CHD5: variants seen among roughly 807,000 people sequenced by gnomAD.
CHD5 encodes ATP-dependent chromatin remodeler CHD5.
CHD5 carries 69 observed loss-of-function variants against 230.3 expected under a neutral mutation model. The ratio of observed to expected loss-of-function variants is 0.30; its 90% confidence interval spans 0.25 to 0.37. The LOEUF is 0.37. CHD5 is among the 10% of genes least tolerant of loss of function. The probability of loss-of-function intolerance (pLI) is 1.00; values close to 1 mark genes in which losing one functional copy is unlikely to be tolerated. For synonymous variants in CHD5, 1,064 were observed against 1,065.9 expected, an observed-to-expected ratio of 1.00 and a Z score of 0.03; for missense variants, 1,827 against 2,622.8, an observed-to-expected ratio of 0.70 and a Z score of 6.63.
At chr1:6,174,100 A>T (rs1178763709) in intron 1 of CHD5, among the ~76,000 whole-genome samples, 1 of 151,498 alleles carries the variant, frequency 6.6e-6, no homozygotes, top group Non-Finnish European at 1.5e-5. Context: ...GGGGAGGAGG[A>T]GGACAGAATG....
chr1:6,119,546 G>C (rs553433650), intron 33 of CHD5, among the ~76,000 whole-genome samples: 1 of 152,220 alleles, frequency 6.6e-6, no homozygotes, highest in Non-Finnish European at 1.5e-5. Flanking sequence ...GCAAAATCTG[G>C]CATTATAAGA....
chr1:6,143,225 T>C (rs1666856811), intron 13 of CHD5, among the ~76,000 whole-genome samples: 1 of 152,090 alleles, frequency 6.6e-6, no homozygotes, highest in African/African-American at 2.4e-5. Context: ...TAATTTTTTG[T>C]AGAGGTGGGA....
intron 25 of CHD5, among the ~76,000 whole-genome samples, chr1:6,127,660 A>G (rs1427448591): frequency 6.6e-6 from 1 of 152,050 alleles, no homozygotes; most frequent in Non-Finnish European, 1.5e-5. Flanking sequence ...TGCACTTCAG[A>G]GAGTGGGGAA....
At chr1:6,166,158 G>A (rs12078360) in intron 2 of CHD5, among the ~76,000 whole-genome samples, 32,925 of 151,004 alleles carry the variant, frequency 0.22, 5,645 homozygotes, top group African/African-American at 0.48. Context: ...AGCAGAATTG[G>A]GCAGAGGGGC....
Position 6,134,288 on chromosome 1 carries a change from G to A in CHD5, c.3013-29C>T, listed in dbSNP as rs1381023635. 1.2e-6 allele frequency: 2 copies of A among 1,607,784 alleles called. No individual in the cohort carries two copies. Among genetic ancestry groups the A allele is most frequent in the Non-Finnish European group, 1.7e-6 (2 of 1,179,516 alleles). On this transcript the variant is annotated intron_variant, in intron 19 of 41. Transcript: ENST00000262450. This position sits in a 1 kb window ranked among gnomAD's most constrained non-coding sequence, Gnocchi z 6.3. ...CAGACACAGCAGGAGGTGGGGCATT[G>A]GTGGGCTCCCCTCTCCTCTCTGACT...
rs1398634024 is a variant in CHD5 at position 6,130,436 on chromosome 1, G to C, written c.3263-108C>G. On this transcript the variant is annotated intron_variant, in intron 21 of 41. Coordinates refer to ENST00000262450, the MANE Select transcript of CHD5 (RefSeq NM_015557.3). This position sits in a 1 kb window ranked among gnomAD's most constrained non-coding sequence, Gnocchi z 4.9. Reference sequence around the variant, plus strand: ...GAAGGAACTGCAGCAACAGATCCCTGGCAGAGAAGGACAAAGCCGGAGACC... The same window carrying C: ...GAAGGAACTGCAGCAACAGATCCCTCGCAGAGAAGGACAAAGCCGGAGACC... 9.5e-7 allele frequency: 1 copy of C among 1,048,064 alleles called. No individual in the cohort carries two copies. Among genetic ancestry groups the C allele is most frequent in the African/African-American group, 1.6e-5 (1 of 63,526 alleles). 64.9% of individuals were successfully genotyped at this position (1,048,064 alleles called of 1,614,324 possible). A position where few individuals can be genotyped will look rare whatever the true frequency, so the allele number is the denominator to read the frequency against.
intron 1 of CHD5, among the ~76,000 whole-genome samples, chr1:6,171,533 C>T (rs1202004592): frequency 1.3e-5 from 2 of 152,188 alleles, no homozygotes. Flanking sequence ...CACACGCTCC[C>T]GTCTTCAGCC....
intron 1 of CHD5, among the ~76,000 whole-genome samples, chr1:6,173,994 A>T (rs1274747924): frequency 2.6e-5 from 4 of 152,064 alleles, no homozygotes; most frequent in Non-Finnish European, 5.9e-5. Flanking sequence ...GAGGGAAGAG[A>T]CGGGGATAGA....
chr1:6,114,561 CATA>C (rs1666346172), intron 33 of CHD5, among the ~76,000 whole-genome samples: 1 of 151,576 alleles, frequency 6.6e-6, no homozygotes, highest in South Asian at 2.1e-4. Flanking sequence ...AAAAAAATCT[CATA>C]ATGTTTTAAG....
At chr1:6,135,173 G>C in intron 18 of CHD5, 57 bp downstream of exon 18, 1 of 1,601,392 alleles carries the variant, frequency 6.2e-7, no homozygotes. Context: ...CGACCCAGGA[G>C]ACCAGCCCAG....
intron 1 of CHD5, among the ~76,000 whole-genome samples, chr1:6,173,265 C>T (rs912551848): frequency 3.3e-5 from 5 of 151,896 alleles, no homozygotes; most frequent in African/African-American, 4.8e-5. Flanking sequence ...CCACCACACC[C>T]GGCTAATTTT....
chr1:6,130,515 C>G lies in CHD5; in HGVS notation c.3263-187G>C, dbSNP rs1666638422. ...CTCAGGGGAGCCAGAGGAGGCCTGC[C>G]CAAGCCCACTTAGCCCCCAGCGAGC... On this transcript the variant is annotated intron_variant, in intron 21 of 41. Coordinates refer to ENST00000262450, the MANE Select transcript of CHD5 (RefSeq NM_015557.3). The surrounding 1 kb of genome is among the most constrained non-coding windows in gnomAD (Gnocchi z 4.9). 6.6e-6 allele frequency among the ~76,000 whole-genome samples: 1 copy of G among 152,124 alleles called. No individual in the cohort carries two copies. Among genetic ancestry groups the G allele is most frequent in the African/African-American group, 2.4e-5 (1 of 41,430 alleles).
Position 6,129,822 on chromosome 1 carries a change from C to T in CHD5, c.3387+382G>A, listed in dbSNP as rs749690517. On this transcript the variant is annotated intron_variant, in intron 22 of 41. Coordinates refer to ENST00000262450, the MANE Select transcript of CHD5 (RefSeq NM_015557.3). This position sits in a 1 kb window ranked among gnomAD's most constrained non-coding sequence, Gnocchi z 6.8. ...CTCCACCTCCAACAGGCCCCACTCT[C>T]TGCTCCCCACCCCCTTCAAAATGGG... 1.1e-4 allele frequency among the ~76,000 whole-genome samples: 16 copies of T among 152,114 alleles called. No homozygotes were observed. Among genetic ancestry groups the T allele is most frequent in the Non-Finnish European group, 1.8e-4 (12 of 68,010 alleles).
Position 6,135,271 on chromosome 1 carries a change from C to T in CHD5, c.2829G>A (p.Lys943=). 1.2e-6 allele frequency: 2 copies of T among 1,614,150 alleles called. No homozygotes were observed. Residue 943 remains lysine, a synonymous_variant, in exon 18 of 42, where the codon AAG becomes AAA. Transcript: ENST00000262450. ...KADVFKNMPA[K]TELIVRVELS... ...GCTCCACCCGGACAATGAGCTCGGT[C>T]TTGGCCGGCATGTTCTTGAACACGT... is the stretch of plus-strand genomic sequence containing the variant.
At chr1:6,106,368 T>G in intron 40 of CHD5, 27 bp downstream of exon 40, 1 of 1,610,300 alleles carries the variant, frequency 6.2e-7, no homozygotes. Context: ...CCCGTGTGCA[T>G]GCTGCCCGGA....
chr1:6,134,022 G>T lies in CHD5; in HGVS notation c.3144+106C>A. 2 of 1,118,970 alleles carry T rather than the reference G, an allele frequency of 1.8e-6. No homozygotes were observed. Among genetic ancestry groups the T allele is most frequent in the Non-Finnish European group, 2.6e-6 (2 of 774,764 alleles). 69.3% of individuals were successfully genotyped at this position (1,118,970 alleles called of 1,614,324 possible). On this transcript the variant is annotated intron_variant, in intron 20 of 41. Coordinates refer to ENST00000262450, the MANE Select transcript of CHD5 (RefSeq NM_015557.3). This position sits in a 1 kb window ranked among gnomAD's most constrained non-coding sequence, Gnocchi z 6.3. ...CAGTCACATGACCCACATGGGAACG[G>T]CACTGGGCCCTGAGGGGTGCCAGCA... is the stretch of plus-strand genomic sequence containing the variant.
rs756730179 is a variant in CHD5 at position 6,146,753 on chromosome 1, T to C, written c.1502A>G (p.Lys501Arg). 5.6e-6 allele frequency: 9 copies of C among 1,610,248 alleles called. No homozygotes were observed. The highest frequency in any genetic ancestry group is 6.8e-6 in the Non-Finnish European group (8 of 1,177,904). The change falls in exon 10 of 42, where the codon AAG (lysine) becomes AGG (arginine). Residue 501 changes from lysine to arginine, a missense_variant. Lys to Arg is a conservative substitution (Grantham distance 26). Coordinates refer to ENST00000262450, the MANE Select transcript of CHD5 (RefSeq NM_015557.3). The surrounding 1 kb of genome is among the most constrained non-coding windows in gnomAD (Gnocchi z 5.1). ...TCTCTCAGGGATGCCCTCCAGGGGC[T>C]TAGGTGGAGGGAGGCTGGGCTCCAC... ...PDVEPSLPPP[K>R]PLEGIPEREF...
intron 1 of CHD5, 76 bp from the exon 2 acceptor site, chr1:6,168,353 T>A: frequency 6.7e-7 from 1 of 1,481,972 alleles, no homozygotes; most frequent in Middle Eastern, 2.3e-4. Flanking sequence ...GAGCCAGCCC[T>A]GGGGAAGCTG....
At chr1:6,145,660 G>A (rs187929574) in intron 11 of CHD5, among the ~76,000 whole-genome samples, 2 of 152,228 alleles carry the variant, frequency 1.3e-5, no homozygotes, top group South Asian at 4.1e-4. Context: ...CTGGGGCACT[G>A]GGGGGTGCAA....
Sources: allele counts gnomAD v4.1 joint callset (sites outside exome capture counted in the v4.1 genomes callset), GRCh38; gene constraint gnomAD v4.1.1; non-coding constraint Gnocchi (gnomAD v3.1); transcripts MANE v1.5; gene names NCBI Gene and HGNC (gene_info 2026-07-23, HGNC 2026-07-21).